The following MICU3 variants were observed in gnomAD, a reference collection of about 807,000 sequenced individuals.
MICU3 encodes calcium uptake protein 3, mitochondrial.
A neutral mutation model predicts 66.5 loss-of-function variants in MICU3; 62 were observed. That is an observed-to-expected ratio of 0.93 (90% CI 0.76 to 1.15). The LOEUF (loss-of-function observed/expected upper bound fraction) is 1.15, where lower values mean the gene tolerates loss of function less well. MICU3 is among the 50% of genes most tolerant of loss of function. MICU3 has a pLI of 0.00. For synonymous variants in MICU3, 308 were observed against 240.7 expected (o/e 1.28, Z -2.59); for missense variants, 779 against 664.4 (o/e 1.17, Z -1.90).
intron 1 of MICU3, among the ~76,000 whole-genome samples, chr8:17,060,031 G>C (rs1364821801): frequency 6.6e-6 from 1 of 152,158 alleles, no homozygotes; most frequent in Admixed American, 6.5e-5. Context: ...TTTTTAAACA[G>C]ATTGACAGGT....
At chr8:17,098,075 T>C (rs993461943) in intron 8 of MICU3, among the ~76,000 whole-genome samples, 1 of 151,796 alleles carries the variant, frequency 6.6e-6, no homozygotes, top group Non-Finnish European at 1.5e-5. Context: ...TATCTTTTAA[T>C]AGGTTGCTAC....
chr8:17,117,607 C>CTTTTT (rs1244315510), intron 13 of MICU3, among the ~76,000 whole-genome samples: 1 of 129,442 alleles, frequency 7.7e-6, no homozygotes, highest in African/African-American at 2.9e-5. Context: ...AAGTTTTATC[C>CTTTTT]TTTTTTTTTT....
At chr8:17,047,594 T>C (rs1191475637) in intron 1 of MICU3, among the ~76,000 whole-genome samples, 4 of 152,300 alleles carry the variant, frequency 2.6e-5, no homozygotes, top group Admixed American at 2.6e-4. Context: ...ACAGACTTCC[T>C]ACAAAGGGAC....
chr8:17,027,245 GC>G lies in MICU3; in HGVS notation c.-30del. The G allele has an allele frequency of 1.5e-6, 1 of 663,754 alleles. No individual in the cohort carries two copies. Among genetic ancestry groups the G allele is most frequent in the African/African-American group, 5.0e-5 (1 of 20,184 alleles). The allele number at this position is 663,754 out of a possible 1,614,324, so 41.1% of individuals were successfully genotyped here. On this transcript the variant is annotated 5_prime_UTR_variant, in exon 1 of 15. Transcript: ENST00000318063. Reference sequence around the variant, plus strand: ...CCCCGCCCCCGCCCCTCCGTTCTCTGCCCCCTCCCAGCTCTGGTGTGGGCGG... The same window carrying G: ...CCCCGCCCCCGCCCCTCCGTTCTCTGCCCCTCCCAGCTCTGGTGTGGGCGG...
At chr8:17,130,682 A>C in the MICU3 span, among the ~76,000 whole-genome samples, 42 of 152,364 alleles carry the variant, frequency 2.8e-4, 1 homozygote, top group African/African-American at 1.0e-3. Flanking sequence ...GTATTAATTC[A>C]GTTAATATAG....
chr8:17,135,903 A>G, the MICU3 span, among the ~76,000 whole-genome samples: 1 of 152,074 alleles, frequency 6.6e-6, no homozygotes, highest in Non-Finnish European at 1.5e-5. Flanking sequence ...GGCTTCCTAT[A>G]TTAAATTATT....
At chr8:17,073,915 C>G (rs1417865692) in intron 3 of MICU3, among the ~76,000 whole-genome samples, 2 of 152,134 alleles carry the variant, frequency 1.3e-5, no homozygotes, top group Non-Finnish European at 2.9e-5. Flanking sequence ...ATAATATTAA[C>G]TGACAGTCAT....
chr8:17,090,700 T>G, intron 8 of MICU3, 116 bp downstream of exon 8: 1 of 761,500 alleles, frequency 1.3e-6, no homozygotes, highest in Non-Finnish European at 2.0e-6. Context: ...TGTTTTGGAA[T>G]TTATTGAACA....
chr8:17,033,398 C>G (rs1812417853), intron 1 of MICU3, among the ~76,000 whole-genome samples: 1 of 152,066 alleles, frequency 6.6e-6, no homozygotes, highest in Non-Finnish European at 1.5e-5. Context: ...ACAACATTCC[C>G]TTAAGACAGA....
intron 1 of MICU3, among the ~76,000 whole-genome samples, chr8:17,041,097 A>G (rs921025539): frequency 6.6e-6 from 1 of 152,208 alleles, no homozygotes; most frequent in African/African-American, 2.4e-5. Context: ...CTATAGAAAT[A>G]GATTTGGGAA....
intron 8 of MICU3, among the ~76,000 whole-genome samples, chr8:17,092,233 T>C (rs1800144940): frequency 6.6e-6 from 1 of 152,050 alleles, no homozygotes; most frequent in Admixed American, 6.6e-5. Flanking sequence ...TTTCTAACTT[T>C]GACAATTTTT....
intron 3 of MICU3, among the ~76,000 whole-genome samples, chr8:17,070,536 G>A (rs915625760): frequency 2.6e-5 from 4 of 151,724 alleles, no homozygotes; most frequent in African/African-American, 7.3e-5. Flanking sequence ...ATCAGTGATG[G>A]GCTCAAAGAG....
intron 8 of MICU3, 103 bp from the exon 9 acceptor site, chr8:17,098,355 T>G: frequency 1.2e-6 from 1 of 817,268 alleles, no homozygotes; most frequent in Admixed American, 1.8e-5. Context: ...AAAGGTAAGC[T>G]AATGTGTTTC....
rs941606600 is a variant in MICU3, at chr8:17,040,100, G to T, written c.381+12440G>T. ...TTTTTGTATTTTTAGTAGAGACGGG[G>T]TTTCTCCATGTTGGTCAGGCTGGTC... On this transcript the variant is annotated intron_variant, in intron 1 of 14. Transcript: ENST00000318063. Among the ~76,000 whole-genome samples the T allele has an allele frequency of 2.0e-5, 3 of 151,800 alleles. No homozygotes were observed. In the East Asian group the frequency reaches 5.8e-4, roughly 29 times the overall value.
At chr8:17,064,045 C>T in intron 1 of MICU3, 39 bp from the exon 2 acceptor site, 1 of 1,562,600 alleles carries the variant, frequency 6.4e-7, no homozygotes, top group Non-Finnish European at 8.7e-7. Flanking sequence ...GGAGGTATTA[C>T]TTCACATCAT....
intron 9 of MICU3, among the ~76,000 whole-genome samples, chr8:17,100,069 G>C (rs1563378358): frequency 6.6e-6 from 1 of 151,710 alleles, no homozygotes; most frequent in Non-Finnish European, 1.5e-5. Context: ...AGGAGCTGTG[G>C]GCTTTTACAG....
rs996846253 is a variant in MICU3, at chr8:17,042,931, A to ATTTTTTTTT, written c.381+15289_381+15297dup. Among the ~76,000 whole-genome samples, 138 of 82,156 alleles carry ATTTTTTTTT rather than the reference A, an allele frequency of 1.7e-3. 27 individuals are homozygous for ATTTTTTTTT. Among genetic ancestry groups the ATTTTTTTTT allele is most frequent in the African/African-American group, 7.4e-3 (128 of 17,330 alleles). 53.9% of individuals were successfully genotyped at this position (82,156 alleles called of 152,430 possible). On this transcript the variant is annotated intron_variant, in intron 1 of 14. Coordinates refer to ENST00000318063, the MANE Select transcript of MICU3 (RefSeq NM_181723.3). ...AAACTGCTTGTAGCAATTCAAAGTGATTTTTTTTTTTTTTTTTTTTTTTTT... is the reference window on the plus strand; with the variant it reads ...AAACTGCTTGTAGCAATTCAAAGTGATTTTTTTTTTTTTTTTTTTTTTTTTTTTTTTTTT...
At chr8:17,056,291 T>C (rs1377330369) in intron 1 of MICU3, among the ~76,000 whole-genome samples, 1 of 152,166 alleles carries the variant, frequency 6.6e-6, no homozygotes, top group Non-Finnish European at 1.5e-5. Context: ...TTGAACCTCT[T>C]TGTAATCTCC....
chr8:17,051,593 A>T (rs1645734151), intron 1 of MICU3, among the ~76,000 whole-genome samples: 1 of 152,212 alleles, frequency 6.6e-6, no homozygotes, highest in South Asian at 2.1e-4. Flanking sequence ...ACCCAGAGGG[A>T]TAGGAGGAAA....
Sources: gnomAD v4.1 joint callset for allele counts (sites outside exome capture counted in the v4.1 genomes callset) on GRCh38, gnomAD v4.1.1 for gene constraint, MANE v1.5 for transcripts, NCBI Gene and HGNC (gene_info 2026-07-23, HGNC 2026-07-21) for gene names.